Variants in ITGB1 observed in about 807,000 individuals in gnomAD.
ITGB1 encodes integrin beta-1.
A neutral mutation model predicts 86.5 loss-of-function variants in ITGB1; 24 were observed. That is an observed-to-expected ratio of 0.28 (90% CI 0.20 to 0.39). The LOEUF (loss-of-function observed/expected upper bound fraction) is 0.39. Among genes scored for constraint, ITGB1 ranks in the 10% least tolerant of loss-of-function variants. ITGB1 has a pLI of 1.00. For missense variants in ITGB1, 556 were observed against 946.9 expected (o/e 0.59, Z 5.42); for synonymous variants, 323 against 316.8 (o/e 1.02, Z -0.21).
At chr10:32,950,505 C>CA (rs760343091) in intron 1 of ITGB1, among the ~76,000 whole-genome samples, 2 of 151,428 alleles carry the variant, frequency 1.3e-5, no homozygotes, top group Non-Finnish European at 2.9e-5. Flanking sequence ...GTTTATGGCC[C>CA]AAATATTAAT....
intron 3 of ITGB1, among the ~76,000 whole-genome samples, chr10:32,931,122 C>A (rs2094982154): frequency 6.6e-6 from 1 of 152,018 alleles, no homozygotes; most frequent in Non-Finnish European, 1.5e-5. Flanking sequence ...TAATCAACAA[C>A]TGGAAGGGAA....
intron 1 of ITGB1, among the ~76,000 whole-genome samples, chr10:32,940,877 T>C (rs2095016746): frequency 6.6e-6 from 1 of 152,192 alleles, no homozygotes. Context: ...TCTACTGGTT[T>C]CCCCCTGCCT....
At chr10:32,913,754 C>T (rs565455231) in intron 11 of ITGB1, among the ~76,000 whole-genome samples, 1 of 152,240 alleles carries the variant, frequency 6.6e-6, no homozygotes, top group East Asian at 1.9e-4. Context: ...AGGATATTAT[C>T]CAGGAGAACT....
rs1338719165 is a variant in ITGB1, at chr10:32,920,486, A to G, written c.1129-101T>C. ...TGCTCAGAAAAAAATATATTTCAAT[A>G]AAGTATCTACAAGCCAAATCCAATT... On this transcript the variant is annotated intron_variant, in intron 9 of 15. Coordinates refer to ENST00000302278, the MANE Select transcript of ITGB1 (RefSeq NM_002211.4). 12 of 1,074,000 alleles carry G rather than the reference A, an allele frequency of 1.1e-5. No individual in the cohort carries two copies. In the East Asian group the frequency reaches 1.2e-4, roughly 11 times the overall value. The allele number at this position is 1,074,000 out of a possible 1,614,324, so 66.5% of individuals were successfully genotyped here. A position where few individuals can be genotyped will look rare whatever the true frequency, so the allele number is the denominator to read the frequency against.
chr10:32,920,093 GA>G lies in ITGB1; in HGVS notation c.1270-10del. On this transcript the variant is annotated splice_polypyrimidine_tract_variant and intron_variant, in intron 10 of 15. Coordinates refer to ENST00000302278, the MANE Select transcript of ITGB1 (RefSeq NM_002211.4). ...CTAATTTCAAATTGAACCTTGAAGG[GA>G]AAAAAAAGATTAACAACCAACTAAA... 12 of 1,596,802 alleles carry G rather than the reference GA, an allele frequency of 7.5e-6. No individual in the cohort carries two copies. Among genetic ancestry groups the G allele is most frequent in the Non-Finnish European group, 8.5e-6 (10 of 1,170,550 alleles).
chr10:32,944,949 C>T, intron 1 of ITGB1: 1 of 1,201,718 alleles, frequency 8.3e-7, no homozygotes, highest in Non-Finnish European at 1.2e-6. Context: ...TATTACCAAG[C>T]TTTTCTACAA....
In ITGB1 at chr10:32,910,382, T is replaced by A. The variant is rs1309745209; in HGVS notation, c.2005A>T (p.Asn669Tyr). 1 of 1,601,932 alleles carries A rather than the reference T, an allele frequency of 6.2e-7. No individual in the cohort carries two copies. The highest frequency in any genetic ancestry group is 1.1e-5 in the South Asian group (1 of 90,806). The change falls in exon 14 of 16, where the codon AAC becomes TAC. Residue 669 changes from asparagine to tyrosine, a missense_variant. By Grantham distance (143) the Asn-to-Tyr change is moderately radical. This residue lies in a region of ITGB1 where 330 missense variants were observed against 531.5 expected (regional missense o/e 0.62). Transcript: ENST00000302278. ...TCCCGACTTTCTACCTTGGTAATGT[T>A]AAAATAGGAACATTCCTGTGTGCAT... is the stretch of plus-strand genomic sequence containing the variant. ...DTCTQECSYFNITKVESRDKL... is the reference protein window; with the variant it reads ...DTCTQECSYFYITKVESRDKL...
intron 1 of ITGB1, among the ~76,000 whole-genome samples, chr10:32,945,442 C>T (rs9971151): frequency 0.096 from 14,610 of 151,592 alleles, 995 homozygotes; most frequent in African/African-American, 0.19. Context: ...ACTAAAAACA[C>T]AAAAAAATTA....
intron 5 of ITGB1, 103 bp from the exon 6 acceptor site, chr10:32,926,212 T>C: frequency 1.2e-6 from 1 of 868,886 alleles, no homozygotes; most frequent in South Asian, 1.6e-5. Flanking sequence ...CAAATGTAGG[T>C]TACTATGGAC....
chr10:32,922,617 T>G, intron 8 of ITGB1, 23 bp downstream of exon 8: 1 of 1,383,282 alleles, frequency 7.2e-7, no homozygotes, highest in African/African-American at 1.4e-5. Context: ...TAGAATCTTG[T>G]TCTTTTTATC....
Position 32,930,042 on chromosome 10 carries a change from T to G in ITGB1, c.156A>C (p.Thr52=), listed in dbSNP as rs758490072. 1 of 877,656 alleles carries G rather than the reference T, an allele frequency of 1.1e-6. No homozygotes were observed. The highest frequency in any genetic ancestry group is 2.4e-5 in the East Asian group (1 of 41,710). The allele number at this position is 877,656 out of a possible 1,614,324, so 54.4% of individuals were successfully genotyped here. A position where few individuals can be genotyped will look rare whatever the true frequency, so the allele number is the denominator to read the frequency against. ...GPNCGWCTNS[T]FLQEGMPTSA... is the part of the protein sequence containing the mutation. ...AAGTAGGCATTCCTTCCTGTAAAAATGTCTAAATGACATATAAAATATAGG... is the reference window on the plus strand; with the variant it reads ...AAGTAGGCATTCCTTCCTGTAAAAAGGTCTAAATGACATATAAAATATAGG... The change falls in exon 4 of 16, where the codon ACA becomes ACC. Residue 52 remains threonine (T), a splice_region_variant and synonymous_variant. Coordinates refer to ENST00000302278, the MANE Select transcript of ITGB1 (RefSeq NM_002211.4).
At chr10:32,903,351 CAAAA>C (rs35559257) in intron 15 of ITGB1, among the ~76,000 whole-genome samples, 7 of 57,030 alleles carry the variant, frequency 1.2e-4, no homozygotes, top group Admixed American at 2.5e-4. Context: ...GACTCCATCT[CAAAA>C]AAAAAAAAAA....
intron 5 of ITGB1, among the ~76,000 whole-genome samples, 193 bp downstream of exon 5, chr10:32,927,899 GAC>G (rs1359619198): frequency 6.6e-6 from 1 of 152,160 alleles, no homozygotes; most frequent in Non-Finnish European, 1.5e-5. Context: ...AGCATCCAGT[GAC>G]AGAGGAACAA....
At chr10:32,913,562 G>A (rs1447227006) in intron 11 of ITGB1, among the ~76,000 whole-genome samples, 2 of 152,076 alleles carry the variant, frequency 1.3e-5, no homozygotes, top group Non-Finnish European at 2.9e-5. Flanking sequence ...TGGAAGAAAG[G>A]ATATCAGTGA....
intron 11 of ITGB1, among the ~76,000 whole-genome samples, chr10:32,914,589 G>A (rs1203482570): frequency 6.6e-6 from 1 of 152,142 alleles, no homozygotes; most frequent in Non-Finnish European, 1.5e-5. Context: ...TAATGGTAAA[G>A]GGATCAATTC....
At position 32,916,351 on chromosome 10, in the gene ITGB1, C is replaced by A. The variant is rs1006832619; in HGVS notation, c.1469+3534G>T. On this transcript the variant is annotated intron_variant, in intron 11 of 15. Coordinates refer to ENST00000302278, the MANE Select transcript of ITGB1 (RefSeq NM_002211.4). ...GAAAGAAATAACACATAACAATATT[C>A]CCACAAAGGGAAGCCCATCAGTTAA... is the stretch of plus-strand genomic sequence containing the variant. Among the ~76,000 whole-genome samples, 5 of 152,248 alleles carry A rather than the reference C, an allele frequency of 3.3e-5. No individual in the cohort carries two copies. The East Asian group carries it at 9.7e-4, about 29-fold the overall frequency.
intron 14 of ITGB1, among the ~76,000 whole-genome samples, chr10:32,908,850 T>C (rs1258493852): frequency 6.6e-6 from 1 of 152,210 alleles, no homozygotes; most frequent in South Asian, 2.1e-4. Context: ...AAGATTTGCA[T>C]GTTAAGAATT....
At position 32,916,779 on chromosome 10, in the gene ITGB1, G is replaced by C. The variant is rs531074141; in HGVS notation, c.1469+3106C>G. On this transcript the variant is annotated intron_variant, in intron 11 of 15. Transcript: ENST00000302278. The stretch of plus-strand genomic sequence containing the variant: ...TGGCCATACTGCCCAAGGTAATTTA[G>C]AGATTCAATGCCATCCCCATCAAGC... 7.1e-3 allele frequency among the ~76,000 whole-genome samples: 1,076 copies of C among 151,982 alleles called. 12 individuals carry two copies. The highest frequency in any genetic ancestry group is 0.025 in the African/African-American group (1,025 of 41,478).
At chr10:32,908,819 TAA>T (rs1335423362) in intron 14 of ITGB1, among the ~76,000 whole-genome samples, 15 of 152,212 alleles carry the variant, frequency 9.9e-5, no homozygotes. Context: ...AACTTACATA[TAA>T]GTCTAACAAA....
Sources: allele counts gnomAD v4.1 joint callset (sites outside exome capture counted in the v4.1 genomes callset), GRCh38; gene constraint gnomAD v4.1.1; regional missense constraint gnomAD v4.1.1; transcripts MANE v1.5; gene names NCBI Gene and HGNC (gene_info 2026-07-23, HGNC 2026-07-21).